Variants in AFF3 observed in about 807,000 individuals in gnomAD.
AFF3 encodes ALF transcription elongation factor 3.
Under a neutral mutation model 129.7 loss-of-function variants are expected in AFF3, and 32 were observed. The ratio of observed to expected loss-of-function variants is 0.25; its 90% CI spans 0.19 to 0.33. The LOEUF is 0.33. Ranked by LOEUF, AFF3 falls within the 10% of genes least tolerant of loss-of-function variation. The pLI is 1.00. For missense variants in AFF3, 1,373 were observed against 1,592.0 expected (o/e 0.86, Z 2.34); for synonymous variants, 644 against 635.4 (o/e 1.01, Z -0.20).
At chr2:99,664,810 TC>T (rs1474282973) in intron 12 of AFF3, among the ~76,000 whole-genome samples, 2 of 152,248 alleles carry the variant, frequency 1.3e-5, no homozygotes, top group Admixed American at 6.5e-5. Flanking sequence ...GTCCCTGCCC[TC>T]AGGAAACTTC....
chr2:99,832,940 A>G (rs1688609906), intron 8 of AFF3, among the ~76,000 whole-genome samples: 1 of 152,202 alleles, frequency 6.6e-6, no homozygotes. Context: ...CTTATAAAGG[A>G]AACAGTATGA....
intron 8 of AFF3, among the ~76,000 whole-genome samples, chr2:99,764,856 C>T (rs566850178): frequency 2.6e-5 from 4 of 152,172 alleles, no homozygotes; most frequent in East Asian, 3.9e-4. Context: ...CTTCAAATCT[C>T]GTGCTCATGA....
intron 7 of AFF3, among the ~76,000 whole-genome samples, chr2:99,888,918 A>T (rs1029481266): frequency 2.0e-5 from 3 of 152,230 alleles, no homozygotes; most frequent in Non-Finnish European, 4.4e-5. Context: ...TACATCATTA[A>T]AGTAAGAAAA....
intron 13 of AFF3, among the ~76,000 whole-genome samples, chr2:99,618,893 G>GATAC (rs1553406230): frequency 1.0e-4 from 15 of 149,960 alleles, no homozygotes; most frequent in Admixed American, 7.3e-4. Flanking sequence ...AGCTCTGATC[G>GATAC]ATTCATTCAT....
chr2:99,713,698 C>T (rs1008645522), intron 11 of AFF3, among the ~76,000 whole-genome samples: 30 of 151,604 alleles, frequency 2.0e-4, no homozygotes, highest in Non-Finnish European at 8.8e-5. Flanking sequence ...AATATAGACT[C>T]CCTATTTTTT....
chr2:99,833,837 C>T (rs1374529951), intron 8 of AFF3, among the ~76,000 whole-genome samples: 2 of 152,176 alleles, frequency 1.3e-5, no homozygotes, highest in Non-Finnish European at 2.9e-5. Flanking sequence ...TAGCCCTGAT[C>T]GCCCATCCTC....
chr2:99,551,390 G>C lies in AFF3; in HGVS notation c.*84C>G. ...TCACCGCAGTCTGATAAATGCTGTG[G>C]CTGGGAGTTTCAGTAGCACAGTGTC... On this transcript the variant is annotated 3_prime_UTR_variant, in exon 25 of 25. Transcript: ENST00000672756. 6.5e-7 allele frequency: 1 copy of C among 1,545,654 alleles called. No homozygotes were observed.
At position 100,076,182 on chromosome 2, in the gene AFF3, A is replaced by G. The variant is rs1456774461; in HGVS notation, c.53+28220T>C. On this transcript the variant is annotated intron_variant, in intron 4 of 24. Transcript: ENST00000672756. ...GTGAAAAAGATGTGACTCAAGTGCC[A>G]CTGACTGCTTCTCCCGAACTCTGCC... Among the ~76,000 whole-genome samples, 5 of 152,340 alleles carry G rather than the reference A, an allele frequency of 3.3e-5. No individual in the cohort carries two copies. The South Asian group carries it at 1.0e-3, about 32-fold the overall frequency.
intron 8 of AFF3, among the ~76,000 whole-genome samples, chr2:99,763,954 A>G (rs1682813114): frequency 6.6e-6 from 1 of 152,220 alleles, no homozygotes. Context: ...GCAGTGCCTG[A>G]GCTTCTGAAC....
intron 24 of AFF3, 142 bp downstream of exon 24, chr2:99,554,169 T>G: frequency 7.0e-6 from 6 of 860,238 alleles, no homozygotes; most frequent in African/African-American, 1.7e-5. Flanking sequence ...GTTAGTGACA[T>G]GAGAAAATGC....
At chr2:99,760,479 T>C (rs539399959) in intron 8 of AFF3, among the ~76,000 whole-genome samples, 30 of 152,340 alleles carry the variant, frequency 2.0e-4, no homozygotes, top group Non-Finnish European at 3.5e-4. Context: ...ATTTAAAATA[T>C]AAGCAAAGGT....
intron 7 of AFF3, among the ~76,000 whole-genome samples, chr2:99,838,648 A>G (rs1033872988): frequency 2.0e-5 from 3 of 151,994 alleles, no homozygotes; most frequent in African/African-American, 7.2e-5. Flanking sequence ...TCCCTCTAAA[A>G]CATCAGCTCC....
chr2:100,115,418 G>A (rs1410457446), intron 2 of AFF3, among the ~76,000 whole-genome samples: 1 of 152,126 alleles, frequency 6.6e-6, no homozygotes, highest in African/African-American at 2.4e-5. Context: ...CATGGTGATA[G>A]GCACCTGTAA....
chr2:100,044,245 C>T (rs941521577), intron 4 of AFF3, among the ~76,000 whole-genome samples: 8 of 152,342 alleles, frequency 5.3e-5, no homozygotes, highest in South Asian at 2.1e-4. Flanking sequence ...CTCTCAGCAC[C>T]GAGCAGGATC....
At chr2:99,917,416 T>C (rs1427391815) in intron 7 of AFF3, among the ~76,000 whole-genome samples, 1 of 152,122 alleles carries the variant, frequency 6.6e-6, no homozygotes, top group African/African-American at 2.4e-5. Flanking sequence ...GAGCCACCGA[T>C]AGAAGAGACT....
chr2:100,113,195 T>C (rs1691586724), intron 2 of AFF3, among the ~76,000 whole-genome samples: 1 of 152,182 alleles, frequency 6.6e-6, no homozygotes, highest in Admixed American at 6.5e-5. Context: ...ATTTCAGATA[T>C]TGATTTACTG....
chr2:99,579,912 AGT>A (rs961659784), intron 17 of AFF3, among the ~76,000 whole-genome samples: 12 of 152,370 alleles, frequency 7.9e-5, no homozygotes, highest in Middle Eastern at 3.4e-3. Context: ...AATTAAATTG[AGT>A]GTATACAAAT....
chr2:99,709,708 A>C (rs888285737), intron 11 of AFF3, among the ~76,000 whole-genome samples: 6 of 152,306 alleles, frequency 3.9e-5, no homozygotes, highest in African/African-American at 1.4e-4. Context: ...TATCAGTTCT[A>C]TCCAACTACT....
intron 7 of AFF3, among the ~76,000 whole-genome samples, chr2:99,929,849 A>C (rs987807975): frequency 6.6e-6 from 1 of 152,184 alleles, no homozygotes; most frequent in Non-Finnish European, 1.5e-5. Flanking sequence ...TGACATTAAA[A>C]TACAGTTTGA....
Sources: allele counts gnomAD v4.1 joint callset (sites outside exome capture counted in the v4.1 genomes callset), GRCh38; gene constraint gnomAD v4.1.1; transcripts MANE v1.5; gene names NCBI Gene and HGNC (gene_info 2026-07-23, HGNC 2026-07-21).